The following NSMAF variants were observed in gnomAD, a reference collection of about 807,000 sequenced individuals.
NSMAF encodes protein FAN.
NSMAF carries 90 observed loss-of-function variants against 134.9 expected under a neutral mutation model. The ratio of observed to expected loss-of-function variants is 0.67; its 90% CI spans 0.56 to 0.79. The LOEUF (loss-of-function observed/expected upper bound fraction) is 0.79. Among genes scored for constraint, NSMAF ranks in the 30% least tolerant of loss-of-function variants. The pLI, the probability that NSMAF is intolerant of heterozygous loss-of-function variation, is 0.00. For synonymous variants in NSMAF, 358 were observed against 389.6 expected, an observed-to-expected ratio of 0.92 and a Z score of 0.96; for missense variants, 1,010 against 1,119.0, an observed-to-expected ratio of 0.90 and a Z score of 1.39.
chr8:58,659,093 C>T (rs1011343668), intron 1 of NSMAF: 11 of 953,006 alleles, frequency 1.2e-5, no homozygotes, highest in Admixed American at 4.1e-5. Context: ...CCGGCCTGCT[C>T]GGTGCCGCCC....
intron 9 of NSMAF, among the ~76,000 whole-genome samples, chr8:58,614,267 T>C: frequency 6.6e-6 from 1 of 152,244 alleles, no homozygotes; most frequent in East Asian, 1.9e-4. Flanking sequence ...TATTATCTAA[T>C]GTGCTCTGAA....
intron 1 of NSMAF, among the ~76,000 whole-genome samples, chr8:58,645,037 A>C: frequency 6.6e-6 from 1 of 152,002 alleles, no homozygotes; most frequent in Non-Finnish European, 1.5e-5. Flanking sequence ...GGGTGCAGCA[A>C]ACCACCATGG....
chr8:58,645,916 C>G (rs1011051025), intron 1 of NSMAF, among the ~76,000 whole-genome samples: 8 of 152,068 alleles, frequency 5.3e-5, no homozygotes, highest in Non-Finnish European at 1.2e-4. Context: ...TGGCGGGCGC[C>G]TATAATCCCA....
rs770156707 is a variant in NSMAF, at chr8:58,586,432, T to A, written c.2446+26A>T. ...CAAAATTCCAATTTACCTAGTATTA[T>A]CTGTTTTAAAAAGGATAATATCTAC... On this transcript the variant is annotated intron_variant, in intron 28 of 30. Transcript: ENST00000038176. The A allele has an allele frequency of 3.2e-6, 5 of 1,582,276 alleles. No homozygotes were observed. The East Asian group carries it at 1.1e-4, about 35-fold the overall frequency.
At chr8:58,618,889 T>C (rs1806723491) in intron 9 of NSMAF, among the ~76,000 whole-genome samples, 1 of 152,200 alleles carries the variant, frequency 6.6e-6, no homozygotes, top group African/African-American at 2.4e-5. Flanking sequence ...TACAACACTG[T>C]AATATTTCAT....
At chr8:58,595,502 A>G (rs962676294) in intron 22 of NSMAF, 58 bp downstream of exon 22, 27 of 1,224,794 alleles carry the variant, frequency 2.2e-5, no homozygotes, top group Non-Finnish European at 3.1e-5. Context: ...ATCCCATGCC[A>G]AGACCCTAAC....
chr8:58,620,332 G>A (rs1260502667), intron 9 of NSMAF, among the ~76,000 whole-genome samples: 1 of 152,148 alleles, frequency 6.6e-6, no homozygotes, highest in East Asian at 1.9e-4. Flanking sequence ...AAGGCTCAGA[G>A]GTAAGAGACA....
At position 58,597,370 on chromosome 8, in the gene NSMAF, C is replaced by G. The variant is rs1235792580; in HGVS notation, c.1792+17G>C. On this transcript the variant is annotated intron_variant, in intron 21 of 30. Coordinates refer to ENST00000038176, the MANE Select transcript of NSMAF (RefSeq NM_003580.4). Reference sequence around the variant, plus strand: ...GAAACAAAAGGTGCTCACGTTTATTCTCTTTACAAAATTTACCTGGGGAAT... The same window carrying G: ...GAAACAAAAGGTGCTCACGTTTATTGTCTTTACAAAATTTACCTGGGGAAT... 4 of 1,609,186 alleles carry G rather than the reference C, an allele frequency of 2.5e-6. No individual in the cohort carries two copies. Among genetic ancestry groups the G allele is most frequent in the Non-Finnish European group, 3.4e-6 (4 of 1,176,402 alleles).
At chr8:58,611,660 C>G (rs1480397955) in intron 9 of NSMAF, among the ~76,000 whole-genome samples, 2 of 152,090 alleles carry the variant, frequency 1.3e-5, no homozygotes, top group Admixed American at 1.3e-4. Flanking sequence ...ATCTTAACAA[C>G]AGACTGGATG....
chr8:58,648,457 T>G (rs1807511325), intron 1 of NSMAF, among the ~76,000 whole-genome samples: 1 of 152,180 alleles, frequency 6.6e-6, no homozygotes, highest in Non-Finnish European at 1.5e-5. Context: ...ATGGAATAAT[T>G]GCATGCTAGA....
intron 16 of NSMAF, chr8:58,600,235 G>C: frequency 1.8e-6 from 1 of 552,742 alleles, no homozygotes; most frequent in South Asian, 2.4e-5. Context: ...TCACATGGCG[G>C]GAGTGGGCAT....
At chr8:58,658,273 T>C (rs1400755008) in intron 1 of NSMAF, among the ~76,000 whole-genome samples, 1 of 152,228 alleles carries the variant, frequency 6.6e-6, no homozygotes, top group East Asian at 1.9e-4. Flanking sequence ...CATCCCCAAG[T>C]GTGAGTTACA....
intron 19 of NSMAF, among the ~76,000 whole-genome samples, chr8:58,598,988 T>G (rs1425893964): frequency 6.6e-6 from 1 of 152,152 alleles, no homozygotes; most frequent in African/African-American, 2.4e-5. Flanking sequence ...ATTGTGTCAC[T>G]GCACTCCAGC....
intron 9 of NSMAF, 70 bp downstream of exon 9, chr8:58,623,150 T>G (rs1806827375): frequency 8.5e-7 from 1 of 1,178,248 alleles, no homozygotes; most frequent in Non-Finnish European, 1.3e-6. Flanking sequence ...AGGCTTGGAT[T>G]TGCTGAATGA....
chr8:58,585,859 C>T (rs367546937), intron 29 of NSMAF, 39 bp downstream of exon 29: 1 of 1,587,590 alleles, frequency 6.3e-7, no homozygotes, highest in Non-Finnish European at 8.6e-7. Context: ...ATGAACATGT[C>T]TGTAAATGTC....
At position 58,637,017 on chromosome 8, in the gene NSMAF, T is replaced by TACAC. The variant is rs34638032; in HGVS notation, c.150-1475_150-1472dup. Among the ~76,000 whole-genome samples the TACAC allele has an allele frequency of 4.8e-5, 7 of 147,006 alleles. No individual in the cohort carries two copies. In the South Asian group the frequency reaches 8.4e-4, roughly 18 times the overall value. ...CTTCGAGGATAACTGATTAAGATTA[T>TACAC]ACACACACACACACACACACACACC... On this transcript the variant is annotated intron_variant, in intron 2 of 30. Coordinates refer to ENST00000038176, the MANE Select transcript of NSMAF (RefSeq NM_003580.4).
rs149890381 is a variant in NSMAF at position 58,597,505 on chromosome 8, C to T, written c.1674G>A (p.Leu558=). 7.9e-4 allele frequency: 1,270 copies of T among 1,614,128 alleles called. 8 individuals carry two copies. The African/African-American group carries it at 0.014, about 18-fold the overall frequency. Residue 558 remains leucine, a synonymous_variant, in exon 21 of 31, where the codon TTG becomes TTA. Transcript: ENST00000038176. ...DEKVAMLTQI[L]EFGQTPKQLF... Reference sequence around the variant, plus strand: ...GTTGTTTTGGTGTCTGCCCAAATTCCAAGATTTGCGTAAGCATGGCTACCT... The same window carrying T: ...GTTGTTTTGGTGTCTGCCCAAATTCTAAGATTTGCGTAAGCATGGCTACCT...
chr8:58,650,106 T>C (rs1807549912), intron 1 of NSMAF, among the ~76,000 whole-genome samples: 1 of 152,208 alleles, frequency 6.6e-6, no homozygotes, highest in Admixed American at 6.5e-5. Flanking sequence ...CATTTGCATC[T>C]TCACCCATCT....
In NSMAF at chr8:58,609,546, T is replaced by C. The variant is rs562018568; in HGVS notation, c.687+58A>G. 9 of 1,591,880 alleles carry C rather than the reference T, an allele frequency of 5.7e-6. No homozygotes were observed. The East Asian group carries it at 1.6e-4, about 28-fold the overall frequency. On this transcript the variant is annotated intron_variant, in intron 10 of 30. Transcript: ENST00000038176. ...TGAGGTCCCTGGCATTGTGAGGCCATGGTCTGGAAACAGCTTAAACATGGG... is the reference window on the plus strand; with the variant it reads ...TGAGGTCCCTGGCATTGTGAGGCCACGGTCTGGAAACAGCTTAAACATGGG...
Sources: gnomAD v4.1 joint callset for allele counts (sites outside exome capture counted in the v4.1 genomes callset) on GRCh38, gnomAD v4.1.1 for gene constraint, MANE v1.5 for transcripts, NCBI Gene and HGNC (gene_info 2026-07-23, HGNC 2026-07-21) for gene names.